RBPMS2: variants seen among roughly 807,000 people sequenced by gnomAD.
RBPMS2 encodes RNA-binding protein with multiple splicing 2.
Under a neutral mutation model 25.7 loss-of-function variants are expected in RBPMS2, and 14 were observed. The ratio of observed to expected loss-of-function variants is 0.55; its 90% confidence interval spans 0.36 to 0.85. RBPMS2 has a LOEUF of 0.85. Among genes scored for constraint, RBPMS2 ranks in the 40% least tolerant of loss-of-function variants. The pLI, the probability that RBPMS2 is intolerant of heterozygous loss-of-function variation, is 0.01. For synonymous variants in RBPMS2, 127 were observed against 115.6 expected (o/e 1.10, Z -0.63); for missense variants, 252 against 283.4 (o/e 0.89, Z 0.80).
chr15:64,751,011 GCAACTGAGTGAGACTCTGTCT>G (rs2083673178), intron 2 of RBPMS2, among the ~76,000 whole-genome samples: 1 of 150,924 alleles, frequency 6.6e-6, no homozygotes, highest in Non-Finnish European at 1.5e-5. Flanking sequence ...TCCAGCCTGG[GCAACTGAGTGAGACTCTGTCT>G]CAAAACAAAA....
intron 1 of RBPMS2, among the ~76,000 whole-genome samples, chr15:64,774,077 G>A (rs1018015132): frequency 3.5e-4 from 53 of 152,322 alleles, no homozygotes; most frequent in African/African-American, 1.3e-3. Flanking sequence ...GTGGGAGCTG[G>A]CGGCGCTGAG....
intron 6 of RBPMS2, among the ~76,000 whole-genome samples, chr15:64,743,488 G>A (rs964805606): frequency 6.6e-6 from 1 of 152,268 alleles, no homozygotes; most frequent in African/African-American, 2.4e-5. Context: ...TCCTCCGGGT[G>A]CCTGGCATAG....
At chr15:64,745,067 G>C (rs2083606332) in intron 6 of RBPMS2, among the ~76,000 whole-genome samples, 1 of 151,956 alleles carries the variant, frequency 6.6e-6, no homozygotes, top group Non-Finnish European at 1.5e-5. Context: ...GCCCACCTCG[G>C]CCTCCCAAAG....
At chr15:64,743,080 G>A (rs894023425) in intron 6 of RBPMS2, among the ~76,000 whole-genome samples, 1 of 152,222 alleles carries the variant, frequency 6.6e-6, no homozygotes, top group Non-Finnish European at 1.5e-5. Flanking sequence ...CCAGCTCAGG[G>A]AGCCCCTTAG....
intron 1 of RBPMS2, chr15:64,762,626 A>G (rs906244367): frequency 4.5e-6 from 2 of 448,582 alleles, no homozygotes; most frequent in African/African-American, 4.1e-5. Context: ...ACCTCAAAAC[A>G]ACGTCAGGAA....
At chr15:64,749,396 G>A (rs771890537) in intron 4 of RBPMS2, 35 bp downstream of exon 4, 11 of 1,582,712 alleles carry the variant, frequency 7.0e-6, no homozygotes, top group African/African-American at 1.3e-5. Flanking sequence ...TAAGAGGGCT[G>A]TGAGTCAGAG....
chr15:64,765,300 A>T (rs2083835852), intron 1 of RBPMS2, among the ~76,000 whole-genome samples: 1 of 149,538 alleles, frequency 6.7e-6, no homozygotes, highest in Non-Finnish European at 1.5e-5. Context: ...CTGTAGTCCC[A>T]GCTACTCGGG....
intron 1 of RBPMS2, among the ~76,000 whole-genome samples, chr15:64,756,818 T>TA (rs765627531): frequency 6.9e-6 from 1 of 145,176 alleles, no homozygotes; most frequent in Admixed American, 6.8e-5. Flanking sequence ...TTTTTTTTTT[T>TA]TTGGAGAGAC....
At chr15:64,774,025 T>C (rs542514944) in intron 1 of RBPMS2, among the ~76,000 whole-genome samples, 2 of 152,326 alleles carry the variant, frequency 1.3e-5, no homozygotes, top group East Asian at 1.9e-4. Context: ...CAAACCTAGA[T>C]TGTCATCGAC....
chr15:64,755,445 C>A (rs112400666), intron 1 of RBPMS2, among the ~76,000 whole-genome samples: 2,105 of 152,148 alleles, frequency 0.014, 17 homozygotes, highest in Non-Finnish European at 0.02. Flanking sequence ...CCAGCCACCC[C>A]AGCAGATGAC....
Position 64,749,162 on chromosome 15 carries a change from G to C in RBPMS2, c.268-12C>G. 1 of 1,613,630 alleles carries C rather than the reference G, an allele frequency of 6.2e-7. No individual in the cohort carries two copies. The highest frequency in any genetic ancestry group is 8.5e-7 in the Non-Finnish European group (1 of 1,179,582). On this transcript the variant is annotated splice_polypyrimidine_tract_variant and intron_variant, in intron 4 of 7. Coordinates refer to ENST00000300069, the MANE Select transcript of RBPMS2 (RefSeq NM_194272.3). ...TCAAAGCGAATACCCTACATGGGTAGAGAAAAGAAGAGAAAGGCTTACTCC... is the reference window on the plus strand; with the variant it reads ...TCAAAGCGAATACCCTACATGGGTACAGAAAAGAAGAGAAAGGCTTACTCC...
At chr15:64,741,024 C>T (rs541384183) in intron 7 of RBPMS2, 24 bp from the exon 8 acceptor site, 82 of 593,448 alleles carry the variant, frequency 1.4e-4, no homozygotes, top group African/African-American at 1.4e-3. Context: ...GAGAGGCGGC[C>T]GTGAGCAGAG....
intron 1 of RBPMS2, among the ~76,000 whole-genome samples, chr15:64,755,515 T>C (rs1169751255): frequency 1.6e-4 from 25 of 151,866 alleles, no homozygotes; most frequent in Admixed American, 1.6e-3. Flanking sequence ...GCCTTGGTGA[T>C]TTGTCAACGG....
chr15:64,763,896 A>C (rs141164066), intron 1 of RBPMS2, among the ~76,000 whole-genome samples: 177 of 152,268 alleles, frequency 1.2e-3, no homozygotes, highest in African/African-American at 4.0e-3. Flanking sequence ...AGGTATAAGA[A>C]GGCTTCAGGC....
chr15:64,761,723 GACGGAGTCTC>G (rs2083789646), intron 1 of RBPMS2, among the ~76,000 whole-genome samples: 1 of 67,584 alleles, frequency 1.5e-5, no homozygotes, highest in Non-Finnish European at 3.0e-5. Context: ...TTTTTTTTGA[GACGGAGTCTC>G]ACTCTGTCGC....
intron 1 of RBPMS2, among the ~76,000 whole-genome samples, chr15:64,767,461 T>C (rs993755756): frequency 7.2e-5 from 11 of 152,158 alleles, no homozygotes; most frequent in African/African-American, 1.9e-4. Flanking sequence ...CTGGGTAATC[T>C]TGGACCAGGA....
Position 64,750,372 on chromosome 15 carries a change from C to T in RBPMS2, c.175G>A (p.Gly59Arg). The T allele has an allele frequency of 6.2e-7, 1 of 1,613,926 alleles. No homozygotes were observed. Among genetic ancestry groups the T allele is most frequent in the South Asian group, 1.1e-5 (1 of 91,052 alleles). ...CTTGCAGTGAGCTTGATCAGGGACC[C>T]TTCATACCCCTGCGGAGAGAGGTGG... ...LLFRPFKGYE[G>R]SLIKLTARQP... Residue 59 changes from glycine to arginine, a missense_variant, in exon 3 of 8, where the codon GGG becomes AGG. Gly to Arg is a moderately radical substitution (Grantham distance 125, BLOSUM62 -2). Transcript: ENST00000300069.
intron 2 of RBPMS2, among the ~76,000 whole-genome samples, chr15:64,750,642 G>C (rs755157601): frequency 1.3e-5 from 2 of 152,194 alleles, no homozygotes; most frequent in Non-Finnish European, 2.9e-5. Context: ...CCACTAACTA[G>C]TAACCCGAGA....
chr15:64,754,338 G>C (rs549854877), intron 1 of RBPMS2, among the ~76,000 whole-genome samples: 1 of 151,700 alleles, frequency 6.6e-6, no homozygotes, highest in African/African-American at 2.4e-5. Flanking sequence ...AAGGCTGGGC[G>C]TGGTGGCTTA....
Sources: allele counts gnomAD v4.1 joint callset (sites outside exome capture counted in the v4.1 genomes callset), GRCh38; gene constraint gnomAD v4.1.1; transcripts MANE v1.5; gene names NCBI Gene and HGNC (gene_info 2026-07-23, HGNC 2026-07-21).